RORA: variants seen among roughly 807,000 people sequenced by gnomAD.
RORA encodes nuclear receptor ROR-alpha.
Under a neutral mutation model 69.5 loss-of-function variants are expected in RORA, and 7 were observed. The ratio of observed to expected loss-of-function variants is 0.10; its 90% confidence interval spans 0.06 to 0.19. The LOEUF (loss-of-function observed/expected upper bound fraction) is 0.19. RORA is among the 10% of genes least tolerant of loss of function. The pLI is 1.00. For synonymous variants in RORA, 261 were observed against 240.8 expected (o/e 1.08, Z -0.78); for missense variants, 457 against 663.0 (o/e 0.69, Z 3.41).
intron 1 of RORA, among the ~76,000 whole-genome samples, chr15:60,885,276 C>T (rs2073738488): frequency 6.6e-6 from 1 of 152,194 alleles, no homozygotes; most frequent in African/African-American, 2.4e-5. Context: ...AGTCCAAGTA[C>T]TCTGTAGTAG....
intron 1 of RORA, among the ~76,000 whole-genome samples, chr15:61,068,718 A>T (rs561754824): frequency 6.6e-6 from 1 of 152,350 alleles, no homozygotes; most frequent in South Asian, 2.1e-4. Flanking sequence ...ACTGGAAATG[A>T]CCACATTCAC....
At chr15:60,783,201 C>G (rs2072288105) in intron 1 of RORA, among the ~76,000 whole-genome samples, 1 of 152,000 alleles carries the variant, frequency 6.6e-6, no homozygotes, top group African/African-American at 2.4e-5. Flanking sequence ...TCTAATGTCA[C>G]TGGAATCAGA....
intron 1 of RORA, among the ~76,000 whole-genome samples, chr15:61,010,382 A>G (rs1167150531): frequency 6.6e-6 from 1 of 152,184 alleles, no homozygotes; most frequent in East Asian, 1.9e-4. Context: ...TCCATATCTA[A>G]GACGGTCCAT....
At chr15:61,204,278 C>G (rs1183093725) in intron 1 of RORA, among the ~76,000 whole-genome samples, 1 of 152,224 alleles carries the variant, frequency 6.6e-6, no homozygotes, top group Admixed American at 6.5e-5. Flanking sequence ...TCTGTCTTCA[C>G]ACGAATGTAT....
intron 1 of RORA, among the ~76,000 whole-genome samples, chr15:61,207,376 T>G (rs2079952289): frequency 6.6e-6 from 1 of 152,168 alleles, no homozygotes; most frequent in South Asian, 2.1e-4. Flanking sequence ...TTAACCACAT[T>G]TCCAGAGCTA....
chr15:61,028,349 A>G (rs940505271), intron 1 of RORA, among the ~76,000 whole-genome samples: 3 of 152,238 alleles, frequency 2.0e-5, no homozygotes, highest in African/African-American at 7.2e-5. Context: ...GACTATGCCA[A>G]GGAAATTCAT....
chr15:60,664,465 T>C (rs187790984), intron 2 of RORA, among the ~76,000 whole-genome samples: 1 of 152,310 alleles, frequency 6.6e-6, no homozygotes, highest in African/African-American at 2.4e-5. Context: ...AAGGAGGCTA[T>C]AAGAGATGGC....
intron 1 of RORA, among the ~76,000 whole-genome samples, chr15:60,774,921 A>T (rs141799620): frequency 6.6e-6 from 1 of 152,220 alleles, no homozygotes; most frequent in Non-Finnish European, 1.5e-5. Flanking sequence ...TATAGTATCA[A>T]TTCATGATTA....
intron 1 of RORA, among the ~76,000 whole-genome samples, chr15:60,759,154 G>A (rs1236735780): frequency 2.0e-5 from 3 of 152,184 alleles, no homozygotes; most frequent in African/African-American, 7.2e-5. Flanking sequence ...GGTTGATTCA[G>A]TAGCCACATG....
intron 1 of RORA, among the ~76,000 whole-genome samples, chr15:60,707,284 T>C (rs1207165509): frequency 6.6e-6 from 1 of 152,144 alleles, no homozygotes; most frequent in Non-Finnish European, 1.5e-5. Context: ...TTGCCCCTCA[T>C]ACAAGTACGA....
chr15:61,172,054 C>A (rs545467464), intron 1 of RORA, among the ~76,000 whole-genome samples: 2 of 152,034 alleles, frequency 1.3e-5, no homozygotes, highest in Non-Finnish European at 2.9e-5. Flanking sequence ...GCTCAGGGGA[C>A]CAGTTGCAGT....
intron 1 of RORA, among the ~76,000 whole-genome samples, chr15:60,869,024 A>G (rs2073522728): frequency 6.6e-6 from 1 of 152,088 alleles, no homozygotes; most frequent in African/African-American, 2.4e-5. Flanking sequence ...ATTACCATCA[A>G]CCTCGGACCA....
chr15:61,059,420 T>C (rs569006458), intron 1 of RORA, among the ~76,000 whole-genome samples: 70 of 152,372 alleles, frequency 4.6e-4, no homozygotes, highest in African/African-American at 1.7e-3. Flanking sequence ...ATTTAATTGT[T>C]ACTCTTTGAA....
intron 2 of RORA, among the ~76,000 whole-genome samples, chr15:60,568,902 T>A (rs185816092): frequency 6.6e-6 from 1 of 151,866 alleles, no homozygotes. Context: ...CTGAATAGTT[T>A]TGATATTTTT....
Position 61,220,524 on chromosome 15 carries a change from G to A in RORA, c.166+8529C>T, listed in dbSNP as rs529196599. 2.0e-5 allele frequency among the ~76,000 whole-genome samples: 3 copies of A among 152,288 alleles called. No individual in the cohort carries two copies. In the East Asian group the frequency reaches 5.8e-4, roughly 29 times the overall value. On this transcript the variant is annotated intron_variant, in intron 1 of 10. Transcript: ENST00000335670. Reference sequence around the variant, plus strand: ...TCCCCATGACTGGCATCGATCATATGGGATGAAATAAGCCTCTTTGCTTCT... The same window carrying A: ...TCCCCATGACTGGCATCGATCATATAGGATGAAATAAGCCTCTTTGCTTCT...
In RORA at chr15:60,993,369, C is replaced by T. The variant is rs146101018; in HGVS notation, c.166+235684G>A. 6.9e-3 allele frequency among the ~76,000 whole-genome samples: 1,043 copies of T among 151,856 alleles called. 10 individuals carry two copies. The highest frequency in any genetic ancestry group is 0.023 in the African/African-American group (969 of 41,414). ...ACGACCTGGGATCGGCTGGGCACAG[C>T]GGCTCACTCCTGTAATCCCAGCACT... On this transcript the variant is annotated intron_variant, in intron 1 of 10. Transcript: ENST00000335670.
intron 1 of RORA, among the ~76,000 whole-genome samples, chr15:61,104,993 G>GC (rs751911711): frequency 0.047 from 6,618 of 140,576 alleles, 208 homozygotes; most frequent in Middle Eastern, 0.074. Context: ...TGATCATGAG[G>GC]CGCCCCCCCC....
chr15:60,941,272 T>G (rs890602425), intron 1 of RORA, among the ~76,000 whole-genome samples: 2 of 152,356 alleles, frequency 1.3e-5, no homozygotes, highest in East Asian at 3.9e-4. Flanking sequence ...TTCACTTCCT[T>G]GGACTTCAGG....
At chr15:61,086,252 G>T (rs748726577) in intron 1 of RORA, among the ~76,000 whole-genome samples, 1 of 152,210 alleles carries the variant, frequency 6.6e-6, no homozygotes, top group Non-Finnish European at 1.5e-5. Context: ...TATCTGGCCT[G>T]GTGCGAAAGA....
Sources: allele counts gnomAD v4.1 joint callset (sites outside exome capture counted in the v4.1 genomes callset), GRCh38; gene constraint gnomAD v4.1.1; transcripts MANE v1.5; gene names NCBI Gene and HGNC (gene_info 2026-07-23, HGNC 2026-07-21).